Variants in MMP8 observed in about 807,000 individuals in gnomAD.
The protein encoded by MMP8 is neutrophil collagenase.
MMP8 carries 67 observed loss-of-function variants against 51.2 expected under a neutral mutation model. The ratio of observed to expected loss-of-function variants is 1.31; its 90% CI spans 1.08 to 1.60. MMP8 has a LOEUF of 1.60. MMP8 is among the 40% of genes most tolerant of loss of function. MMP8 has a pLI of 0.00. For synonymous variants in MMP8, 225 were observed against 191.0 expected, an observed-to-expected ratio of 1.18 and a Z score of -1.47; for missense variants, 654 against 558.1, an observed-to-expected ratio of 1.17 and a Z score of -1.73.
intron 2 of MMP8, 22 bp downstream of exon 2, chr11:102,722,407 C>T: frequency 6.2e-7 from 1 of 1,611,900 alleles, no homozygotes. Context: ...ATGAGTGTAT[C>T]CTGAAACCCT....
chr11:102,712,464 T>C lies in MMP8; in HGVS notation c.*884A>G, dbSNP rs543972633. On this transcript the variant is annotated 3_prime_UTR_variant, in exon 10 of 10. Coordinates refer to ENST00000236826, the MANE Select transcript of MMP8 (RefSeq NM_002424.3). ...TTGGTGGCTTAAAACAAAGGAAATT[T>C]ATTCCCTCACGGTTTTGGAGGATAG... is the stretch of plus-strand genomic sequence containing the variant. The C allele has an allele frequency of 6.6e-6, 1 of 152,392 alleles. No homozygotes were observed. Among genetic ancestry groups the C allele is most frequent in the South Asian group, 2.1e-4 (1 of 4,830 alleles). 9.4% of individuals were successfully genotyped at this position (152,392 alleles called of 1,614,324 possible).
intron 4 of MMP8, among the ~76,000 whole-genome samples, chr11:102,720,030 C>T (rs1464510740): frequency 6.6e-5 from 10 of 152,084 alleles, no homozygotes; most frequent in Admixed American, 6.6e-4. Context: ...GCAATTCAAG[C>T]AAATGTGAGG....
chr11:102,722,063 T>C (rs1861489605), intron 2 of MMP8, among the ~76,000 whole-genome samples: 1 of 152,170 alleles, frequency 6.6e-6, no homozygotes, highest in South Asian at 2.1e-4. Flanking sequence ...CAAATAGTAA[T>C]AATATTCCAC....
intron 2 of MMP8, among the ~76,000 whole-genome samples, 179 bp downstream of exon 2, chr11:102,722,250 T>C (rs1337833725): frequency 6.6e-6 from 1 of 151,864 alleles, no homozygotes; most frequent in Non-Finnish European, 1.5e-5. Flanking sequence ...AGCCTTGGAG[T>C]GGAAAGAACC....
chr11:102,713,807 G>A lies in MMP8; in HGVS notation c.1241C>T (p.Ser414Leu), dbSNP rs781274872. The change falls in exon 9 of 10, where the codon TCA (serine) becomes TTA (leucine). Residue 414 changes from serine (S) to leucine (L), a missense_variant. Coordinates refer to ENST00000236826, the MANE Select transcript of MMP8 (RefSeq NM_002424.3). ...FMEPGYPKSI[S>L]GAFPGIESKV... ...ACTCTCTATTCCTGGAAAGGCACCT[G>A]ATATGCTTTTGGGATAACCTGGCTC... 3.7e-6 allele frequency: 6 copies of A among 1,612,304 alleles called. No individual in the cohort carries two copies. The highest frequency in any genetic ancestry group is 5.1e-6 in the Non-Finnish European group (6 of 1,179,304).
At chr11:102,721,122 A>G (rs555829451) in intron 4 of MMP8, among the ~76,000 whole-genome samples, 170 of 152,336 alleles carry the variant, frequency 1.1e-3, no homozygotes, top group Admixed American at 2.1e-3. Flanking sequence ...CTTTATTTAT[A>G]CAGACAGGGG....
chr11:102,718,714 T>G, intron 4 of MMP8, 139 bp from the exon 5 acceptor site: 2 of 913,312 alleles, frequency 2.2e-6, no homozygotes, highest in Non-Finnish European at 3.3e-6. Flanking sequence ...CATCTTTCTT[T>G]CAGATACCTG....
In MMP8 at chr11:102,718,719, T is replaced by C. The variant is rs1861380992; in HGVS notation, c.623-144A>G. ...CTGTCTTTTTCATCTTTCTTTCAGA[T>C]ACCTGAGAAAGTGGACATTGAGAAG... On this transcript the variant is annotated intron_variant, in intron 4 of 9. Coordinates refer to ENST00000236826, the MANE Select transcript of MMP8 (RefSeq NM_002424.3). 3.4e-6 allele frequency: 3 copies of C among 885,626 alleles called. No individual in the cohort carries two copies. The South Asian group carries it at 5.1e-5, about 15-fold the overall frequency. 54.9% of individuals were successfully genotyped at this position (885,626 alleles called of 1,614,324 possible).
At chr11:102,715,596 C>T (rs570290144) in intron 6 of MMP8, among the ~76,000 whole-genome samples, 159 bp from the exon 7 acceptor site, 26 of 152,210 alleles carry the variant, frequency 1.7e-4, no homozygotes, top group African/African-American at 5.3e-4. Flanking sequence ...CAGCATATGG[C>T]GAAGCTTTAT....
intron 8 of MMP8, 34 bp from the exon 9 acceptor site, chr11:102,713,891 C>T: frequency 6.6e-7 from 1 of 1,524,906 alleles, no homozygotes; most frequent in Non-Finnish European, 8.9e-7. Flanking sequence ...GATTTAACAC[C>T]AATACAGAAT....
intron 5 of MMP8, 132 bp from the exon 6 acceptor site, chr11:102,716,551 C>T (rs1329676352): frequency 6.3e-6 from 3 of 472,650 alleles, no homozygotes; most frequent in Admixed American, 7.5e-5. Context: ...CCAGACTATA[C>T]CATAAAGTAT....
intron 8 of MMP8, 142 bp downstream of exon 8, chr11:102,714,414 A>C: frequency 2.0e-6 from 1 of 488,174 alleles, no homozygotes; most frequent in Non-Finnish European, 3.3e-6. Flanking sequence ...AACATCAATC[A>C]TCCTGTAAAA....
Position 102,724,938 on chromosome 11 carries a change from TCA to T in MMP8, c.-85_-84del. 6.8e-7 allele frequency: 1 copy of T among 1,462,968 alleles called. No individual in the cohort carries two copies. Among genetic ancestry groups the T allele is most frequent in the Non-Finnish European group, 9.1e-7 (1 of 1,096,420 alleles). The allele number at this position is 1,462,968 out of a possible 1,614,324, so 90.6% of individuals were successfully genotyped here. A position where few individuals can be genotyped will look rare whatever the true frequency, so the allele number is the denominator to read the frequency against. ...CCTTCCCTGGCGAGCACCCTGACGT[TCA>T]CAGCATCATGTGTCACTCACAGCTC... On this transcript the variant is annotated 5_prime_UTR_variant, in exon 1 of 10. It removes the in-frame stop codon of an upstream open reading frame in the 5' UTR. Transcript: ENST00000236826.
In MMP8 at chr11:102,713,742, T is replaced by TG. The variant is rs1201397630; in HGVS notation, c.1294+11_1294+12insC. Reference sequence around the variant, plus strand: ...AAACAACACATTTATTAGGTTTTTTTTTCCTACTTACGTTCTTGCTGGAAA... The same window carrying TG: ...AAACAACACATTTATTAGGTTTTTTTGTTCCTACTTACGTTCTTGCTGGAAA... On this transcript the variant is annotated intron_variant, in intron 9 of 9. Transcript: ENST00000236826. 6.3e-7 allele frequency: 1 copy of TG among 1,585,404 alleles called. No individual in the cohort carries two copies. The highest frequency in any genetic ancestry group is 8.6e-7 in the Non-Finnish European group (1 of 1,163,822).
intron 2 of MMP8, 147 bp from the exon 3 acceptor site, chr11:102,721,909 G>A (rs1861485361): frequency 3.5e-6 from 3 of 860,834 alleles, no homozygotes; most frequent in South Asian, 1.8e-5. Context: ...TCAGGGTGGA[G>A]GACAGATGTG....
Position 102,718,474 on chromosome 11 carries a change from T to C in MMP8, c.724A>G (p.Arg242Gly), listed in dbSNP as rs149832691. The change falls in exon 5 of 10, where the codon AGG becomes GGG. Residue 242 changes from arginine to glycine, a missense_variant. By Grantham distance (125) the Arg-to-Gly change is moderately radical. Transcript: ENST00000236826. The part of the protein sequence containing the change: ...GALMYPNYAF[R>G]ETSNYSLPQD... ...GGGAGTGAGTAGTTGCTGGTTTCCCTGAAAGCATAGTTGGGATACATCAAG... is the reference window on the plus strand; with the variant it reads ...GGGAGTGAGTAGTTGCTGGTTTCCCCGAAAGCATAGTTGGGATACATCAAG... 6.8e-6 allele frequency: 11 copies of C among 1,613,662 alleles called. No individual in the cohort carries two copies. The highest frequency in any genetic ancestry group is 2.2e-5 in the South Asian group (2 of 91,060).
chr11:102,720,701 G>A (rs954552028), intron 4 of MMP8, among the ~76,000 whole-genome samples: 1 of 152,192 alleles, frequency 6.6e-6, no homozygotes, highest in Non-Finnish European at 1.5e-5. Context: ...GAAAGGAGTG[G>A]CTTGCTGTAC....
rs935302039 is a variant in MMP8 at position 102,722,522 on chromosome 11, A to G, written c.254T>C (p.Met85Thr). 6.2e-7 allele frequency: 1 copy of G among 1,613,816 alleles called. No homozygotes were observed. The highest frequency in any genetic ancestry group is 8.5e-7 in the Non-Finnish European group (1 of 1,179,852). ...TGKPNEETLD[M>T]MKKPRCGVPD... ...CACTCCACAGCGAGGCTTTTTCATC[A>G]TGTCCAGAGTTTCCTCATTTGGCTT... The change falls in exon 2 of 10, where the codon ATG (methionine) becomes ACG (threonine). Residue 85 changes from methionine to threonine, a missense_variant. Physicochemically the swap from Met to Thr is moderately conservative, Grantham distance 81. Coordinates refer to ENST00000236826, the MANE Select transcript of MMP8 (RefSeq NM_002424.3).
At position 102,712,531 on chromosome 11, in the gene MMP8, G is replaced by T. The variant is rs559844687; in HGVS notation, c.*817C>A. ...GGTGTCAGCAGGGTCACACTTGAAG[G>T]CTATTGGAGGGAATCCTTCCTTGCC... On this transcript the variant is annotated 3_prime_UTR_variant, in exon 10 of 10. Coordinates refer to ENST00000236826, the MANE Select transcript of MMP8 (RefSeq NM_002424.3). The T allele has an allele frequency of 3.3e-5, 5 of 152,292 alleles. No individual in the cohort carries two copies. The South Asian group carries it at 1.0e-3, about 32-fold the overall frequency. 9.4% of individuals were successfully genotyped at this position (152,292 alleles called of 1,614,324 possible).
Sources: allele counts gnomAD v4.1 joint callset (sites outside exome capture counted in the v4.1 genomes callset), GRCh38; gene constraint gnomAD v4.1.1; transcripts MANE v1.5; gene names NCBI Gene and HGNC (gene_info 2026-07-23, HGNC 2026-07-21).